The following DNAH1 variants were observed in gnomAD, a reference collection of about 807,000 sequenced individuals.
DNAH1 encodes dynein axonemal heavy chain 1.
A neutral mutation model predicts 484.3 loss-of-function variants in DNAH1; 327 were observed. That is an observed-to-expected ratio of 0.68 (90% CI 0.62 to 0.74). The LOEUF is 0.74. Among genes scored for constraint, DNAH1 ranks in the 30% least tolerant of loss-of-function variants. DNAH1 has a pLI of 0.00. For synonymous variants in DNAH1, 2,192 were observed against 2,191.9 expected (o/e 1.00, Z 0.00); for missense variants, 5,052 against 5,546.8 (o/e 0.91, Z 2.83).
rs772968813 is a variant in DNAH1, at chr3:52,350,123, C to T, written c.2646+15C>T. The T allele has an allele frequency of 3.1e-5, 50 of 1,607,502 alleles. No individual in the cohort carries two copies. In the East Asian group the frequency reaches 4.9e-4, roughly 16 times the overall value. On this transcript the variant is annotated intron_variant, in intron 15 of 77. Coordinates refer to ENST00000420323, the MANE Select transcript of DNAH1 (RefSeq NM_015512.5). The stretch of plus-strand genomic sequence containing the variant: ...TGGGCCTGGAGGTGAGGCAGGCACA[C>T]GGGCACTGGGGCCAGGGAGGCACAG...
At position 52,396,862 on chromosome 3, in the gene DNAH1, C is replaced by G. The variant is rs750583965; in HGVS notation, c.11611-6C>G. The G allele has an allele frequency of 3.7e-6, 6 of 1,612,890 alleles. No individual in the cohort carries two copies. In the African/African-American group the frequency reaches 6.7e-5, roughly 18 times the overall value. On this transcript the variant is annotated splice_region_variant and splice_polypyrimidine_tract_variant and intron_variant, in intron 72 of 77. Transcript: ENST00000420323. The stretch of plus-strand genomic sequence containing the variant: ...TTAGGGGAGCCCTCACCCACCCACC[C>G]CATAGGTCCTCAAGTACACGGCAGG...
Position 52,353,703 on chromosome 3 carries a change from C to T in DNAH1, c.3480+70C>T, listed in dbSNP as rs923184802. The T allele has an allele frequency of 1.3e-6, 2 of 1,539,062 alleles. No homozygotes were observed. Among genetic ancestry groups the T allele is most frequent in the African/African-American group, 2.7e-5 (2 of 73,124 alleles). On this transcript the variant is annotated intron_variant, in intron 20 of 77. Coordinates refer to ENST00000420323, the MANE Select transcript of DNAH1 (RefSeq NM_015512.5). This position sits in a 1 kb window ranked among gnomAD's most constrained non-coding sequence, Gnocchi z 5.0. ...CGGACAGCCTGACCTCCTGCTCTGG[C>T]AACCACAGCCACTTGGGAGGATGAC...
chr3:52,370,204 T>G lies in DNAH1; in HGVS notation c.6233T>G (p.Phe2078Cys), dbSNP rs779321462. 2.5e-6 allele frequency: 4 copies of G among 1,613,852 alleles called. No homozygotes were observed. Among genetic ancestry groups the G allele is most frequent in the Non-Finnish European group, 3.4e-6 (4 of 1,179,874 alleles). The change falls in exon 39 of 78, where the codon TTC becomes TGC. Residue 2078 changes from phenylalanine to cysteine, a missense_variant. By Grantham distance (205) the Phe-to-Cys change is radical. Around this residue, in one of 4 missense-constraint regions of DNAH1, gnomAD observed 2,929 missense variants for 3,409.4 expected, o/e 0.86. Transcript: ENST00000420323. Reference sequence around the variant, plus strand: ...AGCCTCCTCAAGCTGCTGGACTGCTTCTTCAAGCCCTTTCTGCCTAGAGAG... The same window carrying G: ...AGCCTCCTCAAGCTGCTGGACTGCTGCTTCAAGCCCTTTCTGCCTAGAGAG... ...TMSLLKLLDC[F>C]FKPFLPREGL... is the part of the protein sequence containing the mutation.
chr3:52,354,888 G>A lies in DNAH1; in HGVS notation c.3526G>A (p.Val1176Ile), dbSNP rs1394577362. The A allele has an allele frequency of 6.2e-7, 1 of 1,613,968 alleles. No individual in the cohort carries two copies. ...GGAGTGGTCGACCATCCTGTTCAAT[G>A]TACTGCCCTACAAGGCGACAGACAC... ...EKEWSTILFN[V>I]LPYKATDTYI... Residue 1176 changes from valine to isoleucine, a missense_variant, in exon 21 of 78, where the codon GTA becomes ATA. Transcript: ENST00000420323.
chr3:52,384,719 TGG>T, intron 52 of DNAH1, 65 bp from the exon 53 acceptor site: 1 of 1,465,646 alleles, frequency 6.8e-7, no homozygotes, highest in Non-Finnish European at 9.1e-7. Flanking sequence ...GCAGTGGCTG[TGG>T]GCACCCAGTC....
In DNAH1 at chr3:52,396,776, A is replaced by T; in HGVS notation, c.11589A>T (p.Glu3863Asp). The change falls in exon 72 of 78, where the codon GAA becomes GAT. Residue 3863 changes from glutamate (E) to aspartate (D), a missense_variant. By Grantham distance (45) the Glu-to-Asp change is conservative. Coordinates refer to ENST00000420323, the MANE Select transcript of DNAH1 (RefSeq NM_015512.5). Reference sequence around the variant, plus strand: ...GCCAGCTCAAGATGTTCCTGGACGAATATGATGACATCCCCTACAAGGTGG... The same window carrying T: ...GCCAGCTCAAGATGTTCCTGGACGATTATGATGACATCCCCTACAAGGTGG... ...CISQLKMFLD[E>D]YDDIPYKVLK... The T allele has an allele frequency of 6.2e-7, 1 of 1,613,664 alleles. No homozygotes were observed. The highest frequency in any genetic ancestry group is 8.5e-7 in the Non-Finnish European group (1 of 1,179,802).
chr3:52,351,376 C>T (rs1417639882), intron 16 of DNAH1, among the ~76,000 whole-genome samples: 1 of 152,264 alleles, frequency 6.6e-6, no homozygotes, highest in Admixed American at 6.5e-5. Flanking sequence ...TGCTGCCTCA[C>T]AGATGTTGGG....
intron 43 of DNAH1, 51 bp from the exon 44 acceptor site, chr3:52,372,845 C>CA (rs1703404581): frequency 6.4e-7 from 1 of 1,569,216 alleles, no homozygotes; most frequent in Admixed American, 1.9e-5. Flanking sequence ...CCTGGATTCT[C>CA]AGAGGACCTG....
At chr3:52,378,502 G>T (rs1703700460) in intron 46 of DNAH1, 100 bp from the exon 47 acceptor site, 3 of 1,309,880 alleles carry the variant, frequency 2.3e-6, no homozygotes, top group Non-Finnish European at 3.2e-6. Flanking sequence ...AAGGGGCTTG[G>T]TGGGGGGCAC....
At chr3:52,365,120 T>C in intron 34 of DNAH1, 101 bp downstream of exon 34, 1 of 1,434,086 alleles carries the variant, frequency 7.0e-7, no homozygotes, top group South Asian at 1.4e-5. Flanking sequence ...CCAGGGGCCC[T>C]CACACCTGGC....
chr3:52,375,740 G>A (rs1024862806), intron 45 of DNAH1, among the ~76,000 whole-genome samples: 4 of 152,298 alleles, frequency 2.6e-5, no homozygotes, highest in Middle Eastern at 3.4e-3. Flanking sequence ...ATACGTATAC[G>A]TTAGTACTTG....
chr3:52,347,880 A>G lies in DNAH1; in HGVS notation c.2012A>G (p.His671Arg), dbSNP rs1428360847. The stretch of plus-strand genomic sequence containing the variant: ...CTGGTGCTGGACAGCTCTGGGGTGC[A>G]CTATAGCACCCCACTGGAGCAGTTT... ...MDLVLDSSGV[H>R]YSTPLEQFEA... The change falls in exon 12 of 78, where the codon CAC becomes CGC. Residue 671 changes from histidine (H) to arginine (R), a missense_variant. Transcript: ENST00000420323. The G allele has an allele frequency of 2.5e-6, 4 of 1,606,362 alleles. No individual in the cohort carries two copies. The highest frequency in any genetic ancestry group is 2.2e-5 in the East Asian group (1 of 44,562).
rs748939700 is a variant in DNAH1, at chr3:52,388,243, C to T, written c.9080C>T (p.Ala3027Val). 6.2e-7 allele frequency: 1 copy of T among 1,604,700 alleles called. No homozygotes were observed. The highest frequency in any genetic ancestry group is 1.7e-5 in the Admixed American group (1 of 58,530). The change falls in exon 57 of 78, where the codon GCC becomes GTC. Residue 3027 changes from alanine (A) to valine (V), a missense_variant. Ala to Val is a moderately conservative substitution (Grantham distance 64). Transcript: ENST00000420323. ...DNEEFQPATI[A>V]KVSKACTSIC... ...GAAGAGTTCCAGCCAGCCACCATTG[C>T]CAAGGTGTCCAAGGCTTGCACCTCC...
upstream of DNAH1, among the ~76,000 whole-genome samples, chr3:52,314,879 C>T (rs1270829301): frequency 6.6e-6 from 1 of 152,154 alleles, no homozygotes; most frequent in African/African-American, 2.4e-5. Context: ...TAGGTGGGGG[C>T]TGTGATGGAT....
intron 53 of DNAH1, 123 bp downstream of exon 53, chr3:52,385,100 G>C (rs1444290011): frequency 8.0e-7 from 1 of 1,251,500 alleles, no homozygotes; most frequent in African/African-American, 1.5e-5. Flanking sequence ...CGTTGAAGTG[G>C]GTGGCTTCCC....
rs746313246 is a variant in DNAH1, at chr3:52,326,871, C to G, written c.718C>G (p.Pro240Ala). 5 of 1,612,776 alleles carry G rather than the reference C, an allele frequency of 3.1e-6. No individual in the cohort carries two copies. In the African/African-American group the frequency reaches 5.3e-5, roughly 17 times the overall value. Residue 240 changes from proline to alanine, a missense_variant, in exon 5 of 78, where the codon CCC becomes GCC. This residue lies in a region of DNAH1 where 1,263 missense variants were observed against 1,218.8 expected (regional missense o/e 1.04). Coordinates refer to ENST00000420323, the MANE Select transcript of DNAH1 (RefSeq NM_015512.5). ...TIEQGHDPIF[P>A]IYLPLKVFDN... ...CGAACAGGGCCATGACCCAATCTTCCCCATCTACCTCCCACTGAAGGTGAG... is the reference window on the plus strand; with the variant it reads ...CGAACAGGGCCATGACCCAATCTTCGCCATCTACCTCCCACTGAAGGTGAG...
chr3:52,346,335 T>G, intron 10 of DNAH1, 137 bp from the exon 11 acceptor site: 4 of 902,876 alleles, frequency 4.4e-6, no homozygotes, highest in Non-Finnish European at 6.6e-6. Flanking sequence ...TGGCAGTAAG[T>G]TGGGGTAGGG....
chr3:52,339,436 ATTT>A (rs1701849808), intron 8 of DNAH1, among the ~76,000 whole-genome samples: 2 of 151,728 alleles, frequency 1.3e-5, no homozygotes, highest in Non-Finnish European at 2.9e-5. Flanking sequence ...TCTTACCGAC[ATTT>A]GTCCATTTAT....
chr3:52,321,687 C>T (rs1403579910), intron 1 of DNAH1: 1 of 152,230 alleles, frequency 6.6e-6, no homozygotes, highest in African/African-American at 2.4e-5. Flanking sequence ...TCTGCTGCTC[C>T]CTTTGCATAA....
Sources: allele counts gnomAD v4.1 joint callset (sites outside exome capture counted in the v4.1 genomes callset), GRCh38; gene constraint gnomAD v4.1.1; regional missense constraint gnomAD v4.1.1; non-coding constraint Gnocchi (gnomAD v3.1); transcripts MANE v1.5; gene names NCBI Gene and HGNC (gene_info 2026-07-23, HGNC 2026-07-21).